Variants in DNAH3 observed in about 807,000 individuals in gnomAD.
DNAH3 encodes dynein axonemal heavy chain 3, also known as axonemal beta dynein heavy chain 3.
A neutral mutation model predicts 432.5 loss-of-function variants in DNAH3; 332 were observed. The ratio of observed to expected loss-of-function variants is 0.77; its 90% CI spans 0.70 to 0.84. DNAH3 has a LOEUF of 0.84. DNAH3 is among the 40% of genes least tolerant of loss of function. DNAH3 has a pLI of 0.00. For synonymous variants in DNAH3, 1,956 were observed against 1,900.2 expected (o/e 1.03, Z -0.76); for missense variants, 4,861 against 5,114.0 (o/e 0.95, Z 1.51).
chr16:21,111,442 G>A (rs2092069266), intron 14 of DNAH3, among the ~76,000 whole-genome samples, 184 bp downstream of exon 14: 2 of 152,132 alleles, frequency 1.3e-5, no homozygotes, highest in South Asian at 2.1e-4. Context: ...CCCCCATGTC[G>A]CTTTCTCTTG....
At chr16:20,955,180 T>C (rs1189060957) in intron 54 of DNAH3, 123 bp from the exon 55 acceptor site, 2 of 911,494 alleles carry the variant, frequency 2.2e-6, no homozygotes, top group Non-Finnish European at 3.1e-6. Flanking sequence ...TAAAACCCCA[T>C]CTCTATGAAA....
At chr16:21,065,053 T>A (rs2090496138) in intron 24 of DNAH3, among the ~76,000 whole-genome samples, 1 of 152,168 alleles carries the variant, frequency 6.6e-6, no homozygotes, top group South Asian at 2.1e-4. Flanking sequence ...GGGACAATAA[T>A]AATGTTCCCA....
chr16:21,153,858 C>G lies in DNAH3; in HGVS notation c.117+5467G>C, dbSNP rs534013250. On this transcript the variant is annotated intron_variant, in intron 1 of 61. Transcript: ENST00000261383. ...AGAACCAAGTACTTCCATTTTCCCCCTTTTTCTACTCCTTTTCCTCAAAGT... is the reference window on the plus strand; with the variant it reads ...AGAACCAAGTACTTCCATTTTCCCCGTTTTTCTACTCCTTTTCCTCAAAGT... Among the ~76,000 whole-genome samples the G allele has an allele frequency of 3.3e-5, 5 of 152,324 alleles. No homozygotes were observed. The South Asian group carries it at 8.3e-4, about 25-fold the overall frequency.
Position 21,136,454 on chromosome 16 carries a change from A to G in DNAH3, c.756T>C (p.Gly252=), listed in dbSNP as rs761686032. 5.6e-6 allele frequency: 9 copies of G among 1,613,878 alleles called. No individual in the cohort carries two copies. Among genetic ancestry groups the G allele is most frequent in the Middle Eastern group, 1.6e-4 (1 of 6,062 alleles). Reference sequence around the variant, plus strand: ...GCTTTGAAATCCGAACCATCACTTCACCCTCCTCAGGGGCAATCATGTCTT... The same window carrying G: ...GCTTTGAAATCCGAACCATCACTTCGCCCTCCTCAGGGGCAATCATGTCTT... Residue 252 remains glycine (G), a synonymous_variant, in exon 6 of 62, where the codon GGT becomes GGC. Coordinates refer to ENST00000261383, the Ensembl canonical transcript of DNAH3.
intron 37 of DNAH3, among the ~76,000 whole-genome samples, chr16:21,027,606 G>A (rs1319285286): frequency 2.0e-5 from 3 of 152,148 alleles, no homozygotes; most frequent in Admixed American, 1.3e-4. Flanking sequence ...TTGGGAGGCC[G>A]AGGCGGGTGG....
intron 53 of DNAH3, among the ~76,000 whole-genome samples, chr16:20,961,138 TA>T (rs1469512159): frequency 6.6e-6 from 1 of 152,202 alleles, no homozygotes; most frequent in Non-Finnish European, 1.5e-5. Flanking sequence ...TCAGGGTTAA[TA>T]TTCTAAGGAT....
chr16:21,093,835 A>C (rs142559107), intron 18 of DNAH3, among the ~76,000 whole-genome samples: 118 of 152,288 alleles, frequency 7.7e-4, no homozygotes, highest in African/African-American at 2.7e-3. Flanking sequence ...TTTTTTTCCC[A>C]ATTACTGGAA....
Position 20,958,036 on chromosome 16 carries a change from G to A in DNAH3, c.10826+1143C>T, listed in dbSNP as rs539367931. On this transcript the variant is annotated intron_variant, in intron 54 of 61. Coordinates refer to ENST00000261383, the Ensembl canonical transcript of DNAH3. ...GAAATGTAGGATAGAGGCAGGAGGC[G>A]GGAGGCAGGACAAATGATACCTGGA... 9.6e-4 allele frequency among the ~76,000 whole-genome samples: 145 copies of A among 151,498 alleles called. 1 individual carries two copies. Among genetic ancestry groups the A allele is most frequent in the Non-Finnish European group, 1.6e-3 (111 of 67,858 alleles).
intron 14 of DNAH3, among the ~76,000 whole-genome samples, chr16:21,111,015 C>T (rs920460824): frequency 1.3e-5 from 2 of 152,104 alleles, no homozygotes; most frequent in Admixed American, 6.6e-5. Context: ...GACCCTGTCT[C>T]TGAAAACAAT....
chr16:21,020,881 A>G (rs1226530978), intron 40 of DNAH3, among the ~76,000 whole-genome samples: 2 of 152,110 alleles, frequency 1.3e-5, no homozygotes, highest in African/African-American at 4.8e-5. Flanking sequence ...CCATTAAACA[A>G]TAACTTCTCC....
intron 36 of DNAH3, among the ~76,000 whole-genome samples, chr16:21,031,494 A>G (rs2088870695): frequency 6.6e-6 from 1 of 152,022 alleles, no homozygotes. Context: ...CCCAATACTC[A>G]GGGAGGCCAG....
intron 19 of DNAH3, among the ~76,000 whole-genome samples, chr16:21,085,532 A>G (rs902295599): frequency 6.6e-6 from 1 of 150,706 alleles, no homozygotes; most frequent in African/African-American, 2.4e-5. Flanking sequence ...CACCTCAAAA[A>G]AAAAAAAAAA....
chr16:21,134,672 T>TTTTA (rs200578958), intron 6 of DNAH3, among the ~76,000 whole-genome samples: 2,206 of 151,918 alleles, frequency 0.015, 51 homozygotes, highest in African/African-American at 0.048. Flanking sequence ...AGTCAACTCT[T>TTTTA]TTTATTTATT....
intron 39 of DNAH3, among the ~76,000 whole-genome samples, chr16:21,022,802 T>C (rs1597164054): frequency 6.6e-6 from 1 of 151,802 alleles, no homozygotes; most frequent in Non-Finnish European, 1.5e-5. Context: ...TGGAGTGCAA[T>C]GGTGTGATCT....
chr16:21,005,472 C>G (rs527665043), intron 41 of DNAH3, among the ~76,000 whole-genome samples: 1 of 152,160 alleles, frequency 6.6e-6, no homozygotes, highest in Admixed American at 6.6e-5. Flanking sequence ...GCCTCAACCT[C>G]CCGGGCTCAA....
intron 25 of DNAH3, among the ~76,000 whole-genome samples, chr16:21,060,823 CTCT>C (rs1249604620): frequency 7.4e-6 from 1 of 134,236 alleles, no homozygotes; most frequent in Non-Finnish European, 1.6e-5. Flanking sequence ...TGCGCCTGGT[CTCT>C]TCTTTTTTTT....
chr16:21,018,487 G>A (rs2087976682), intron 41 of DNAH3, among the ~76,000 whole-genome samples: 1 of 152,124 alleles, frequency 6.6e-6, no homozygotes, highest in African/African-American at 2.4e-5. Context: ...CTTAGAAGAA[G>A]CATCTTCCTT....
rs1008162400 is a variant in DNAH3 at position 20,948,696 on chromosome 16, G to C, written c.11189-59C>G. 1.3e-5 allele frequency: 20 copies of C among 1,583,058 alleles called. No individual in the cohort carries two copies. In the African/African-American group the frequency reaches 2.4e-4, roughly 19 times the overall value. On this transcript the variant is annotated intron_variant, in intron 56 of 61. Transcript: ENST00000261383. Reference sequence around the variant, plus strand: ...CAGGGAAGGTCATCACGAGCTTGGTGGTTGATGTAAAACACGGCATTCTTC... The same window carrying C: ...CAGGGAAGGTCATCACGAGCTTGGTCGTTGATGTAAAACACGGCATTCTTC...
intron 61 of DNAH3, among the ~76,000 whole-genome samples, chr16:20,934,764 AT>A (rs1030128825): frequency 5.9e-5 from 9 of 151,774 alleles, no homozygotes; most frequent in African/African-American, 2.2e-4. Context: ...TATCCTAGTC[AT>A]TTTTTTTCTT....
Sources: allele counts gnomAD v4.1 joint callset (sites outside exome capture counted in the v4.1 genomes callset), GRCh38; gene constraint gnomAD v4.1.1; transcripts MANE v1.5; gene names NCBI Gene and HGNC (gene_info 2026-07-23, HGNC 2026-07-21).